Variants in LRP8 observed in about 807,000 individuals in gnomAD.
The protein encoded by LRP8 is LDL receptor related protein 8, also known as low-density lipoprotein receptor-related protein 8.
LRP8 carries 46 observed loss-of-function variants against 111.6 expected under a neutral mutation model. The observed-to-expected ratio is 0.41, with a 90% CI of 0.33 to 0.53. The LOEUF (loss-of-function observed/expected upper bound fraction) is 0.53. Among genes scored for constraint, LRP8 ranks in the 20% least tolerant of loss-of-function variants. The pLI is 0.20. For missense variants in LRP8, 959 were observed against 1,297.4 expected (o/e 0.74, Z 4.01); for synonymous variants, 464 against 511.2 (o/e 0.91, Z 1.24).
At chr1:53,264,425 G>A (rs1339563565) in intron 9 of LRP8, 29 bp from the exon 10 acceptor site, 1 of 1,573,114 alleles carries the variant, frequency 6.4e-7, no homozygotes, top group Admixed American at 1.7e-5. Context: ...TGACCATGGG[G>A]CAGATGTTCC....
At chr1:53,259,422 T>G (rs1483612186) in intron 13 of LRP8, among the ~76,000 whole-genome samples, 1 of 151,986 alleles carries the variant, frequency 6.6e-6, no homozygotes, top group Non-Finnish European at 1.5e-5. Context: ...TCCCTACTAC[T>G]TTTATTGGGT....
intron 16 of LRP8, among the ~76,000 whole-genome samples, chr1:53,254,065 G>A (rs1354768611): frequency 6.6e-5 from 10 of 152,000 alleles, no homozygotes; most frequent in Non-Finnish European, 1.3e-4. Context: ...AAGATTCCCA[G>A]GATAAAAGGA....
intron 2 of LRP8, among the ~76,000 whole-genome samples, chr1:53,313,098 A>G (rs1023506583): frequency 1.3e-4 from 20 of 152,192 alleles, no homozygotes; most frequent in African/African-American, 4.3e-4. Context: ...TACCCAAGGT[A>G]ACAGGGAAGG....
chr1:53,315,139 C>T (rs995342921), intron 2 of LRP8, among the ~76,000 whole-genome samples: 2 of 152,178 alleles, frequency 1.3e-5, no homozygotes, highest in African/African-American at 4.8e-5. Flanking sequence ...TCCTGAAGGT[C>T]CCTAAGGCTC....
intron 1 of LRP8, 98 bp downstream of exon 1, chr1:53,327,691 G>C: frequency 7.6e-7 from 1 of 1,316,032 alleles, no homozygotes; most frequent in Admixed American, 3.5e-5. Context: ...GCCCCCGATA[G>C]CCCCGGGTTC....
Position 53,250,950 on chromosome 1 carries a change from T to G in LRP8, c.2504-88A>C. 9.2e-7 allele frequency: 1 copy of G among 1,092,678 alleles called. No homozygotes were observed. Among genetic ancestry groups the G allele is most frequent in the East Asian group, 2.4e-5 (1 of 42,230 alleles). 67.7% of individuals were successfully genotyped at this position (1,092,678 alleles called of 1,614,324 possible). A position where few individuals can be genotyped will look rare whatever the true frequency, so the allele number is the denominator to read the frequency against. ...TACAAGGCTTGTCACCACTCCACTT[T>G]TACTACCCTTTGCTCCTCAGGCTCT... is the stretch of plus-strand genomic sequence containing the variant. On this transcript the variant is annotated intron_variant, in intron 16 of 18. Transcript: ENST00000306052. The surrounding 1 kb of genome is among the most constrained non-coding windows in gnomAD (Gnocchi z 4.6).
chr1:53,264,003 C>G (rs1187261003), intron 10 of LRP8, among the ~76,000 whole-genome samples, 166 bp downstream of exon 10: 1 of 152,154 alleles, frequency 6.6e-6, no homozygotes, highest in Non-Finnish European at 1.5e-5. Context: ...ACTTTGGTGA[C>G]CAATGCCCAG....
chr1:53,278,739 G>A (rs371725298), intron 4 of LRP8, among the ~76,000 whole-genome samples: 1 of 148,380 alleles, frequency 6.7e-6, no homozygotes. Context: ...CTTTCTGGGA[G>A]TTCTGATGGG....
intron 3 of LRP8, among the ~76,000 whole-genome samples, chr1:53,285,798 C>T (rs112297023): frequency 2.4e-4 from 36 of 152,260 alleles, no homozygotes; most frequent in African/African-American, 7.0e-4. Context: ...CGGAGGGGAC[C>T]ATATGCCTTT....
intron 6 of LRP8, among the ~76,000 whole-genome samples, chr1:53,273,803 T>C (rs1646831968): frequency 6.6e-6 from 1 of 152,008 alleles, no homozygotes; most frequent in Non-Finnish European, 1.5e-5. Context: ...GGAAATATGC[T>C]CTTCCTGGGA....
In LRP8 at chr1:53,249,566, G is replaced by T; in HGVS notation, c.2677-10C>A. On this transcript the variant is annotated splice_polypyrimidine_tract_variant and intron_variant, in intron 17 of 18. Coordinates refer to ENST00000306052, the MANE Select transcript of LRP8 (RefSeq NM_004631.5). The surrounding 1 kb of genome is among the most constrained non-coding windows in gnomAD (Gnocchi z 4.1). ...CAAAGCTGCTGATTGCCTGACAGGGGGATGGCACTGTGGATGACCTCTGAG... is the reference window on the plus strand; with the variant it reads ...CAAAGCTGCTGATTGCCTGACAGGGTGATGGCACTGTGGATGACCTCTGAG... 3.2e-6 allele frequency: 5 copies of T among 1,581,094 alleles called. No individual in the cohort carries two copies. Among genetic ancestry groups the T allele is most frequent in the Admixed American group, 1.8e-5 (1 of 54,628 alleles).
At chr1:53,297,418 G>C (rs1490952307) in intron 2 of LRP8, among the ~76,000 whole-genome samples, 1 of 152,224 alleles carries the variant, frequency 6.6e-6, no homozygotes, top group East Asian at 1.9e-4. Context: ...ACAGTGTCCT[G>C]ACAGTAGGGT....
At chr1:53,308,239 AGGG>A (rs561762093) in intron 2 of LRP8, among the ~76,000 whole-genome samples, 75 of 152,368 alleles carry the variant, frequency 4.9e-4, no homozygotes, top group African/African-American at 1.8e-3. Context: ...AGGACAGCGC[AGGG>A]AACGGGATGT....
chr1:53,323,511 C>T (rs541308743), intron 2 of LRP8, among the ~76,000 whole-genome samples: 11 of 152,268 alleles, frequency 7.2e-5, no homozygotes, highest in Admixed American at 2.0e-4. Flanking sequence ...AGCTGGCCTA[C>T]GTGACCCAGG....
Position 53,266,428 on chromosome 1 carries a change from C to A in LRP8, c.1427+45G>T. On this transcript the variant is annotated intron_variant, in intron 9 of 18. Transcript: ENST00000306052. The surrounding 1 kb of genome is among the most constrained non-coding windows in gnomAD (Gnocchi z 5.0). The stretch of plus-strand genomic sequence containing the variant: ...CCCCTCCTCACCTGTCACCACCCCT[C>A]ACCCCCACTCTTCATGCCTTGCTGC... 1 of 1,596,940 alleles carries A rather than the reference C, an allele frequency of 6.3e-7. No individual in the cohort carries two copies. The highest frequency in any genetic ancestry group is 1.1e-5 in the South Asian group (1 of 89,580).
intron 3 of LRP8, among the ~76,000 whole-genome samples, chr1:53,285,412 A>G (rs1423390180): frequency 6.6e-6 from 1 of 152,130 alleles, no homozygotes; most frequent in Non-Finnish European, 1.5e-5. Flanking sequence ...CAGCAGCATG[A>G]TGTAGGAGAA....
chr1:53,327,890 G>A lies in LRP8; in HGVS notation c.23C>T (p.Pro8Leu). The change falls in exon 1 of 19, where the codon CCT becomes CTT. Residue 8 changes from proline (P) to leucine (L), a missense_variant. By Grantham distance (98) the Pro-to-Leu change is moderately conservative. Coordinates refer to ENST00000306052, the MANE Select transcript of LRP8 (RefSeq NM_004631.5). Reference protein sequence around the residue: MGLPEPGPLRLLALLLLL... With the variant: MGLPEPGLLRLLALLLLL... ...CAGCAGCAGCGCCAGAAGCCGGAGA[G>A]GGCCCGGCTCGGGGAGGCCCATGGC... The A allele has an allele frequency of 1.3e-6, 2 of 1,482,044 alleles. No homozygotes were observed. Among genetic ancestry groups the A allele is most frequent in the East Asian group, 2.9e-5 (1 of 34,956 alleles). 91.8% of individuals were successfully genotyped at this position (1,482,044 alleles called of 1,614,324 possible).
At chr1:53,256,740 AG>A (rs1389697690) in intron 15 of LRP8, among the ~76,000 whole-genome samples, 5 of 152,236 alleles carry the variant, frequency 3.3e-5, no homozygotes, top group African/African-American at 1.2e-4. Flanking sequence ...TTTTCATCCC[AG>A]GGTTGGAAAG....
In LRP8 at chr1:53,257,263, G is replaced by T. The variant is rs545761827; in HGVS notation, c.2411C>A (p.Ala804Glu). 8 of 1,614,154 alleles carry T rather than the reference G, an allele frequency of 5.0e-6. No homozygotes were observed. The South Asian group carries it at 7.7e-5, about 16-fold the overall frequency. ...PSISPSTLSP[A>E]TSNHSQHYAN... ...ACAGTGCTGGGAGTGGTTGCTGGTT[G>T]CAGGGCTTAGGGTAGACGGGCTGAT... Residue 804 changes from alanine (A) to glutamate (E), a missense_variant, in exon 15 of 19, where the codon GCA (alanine) becomes GAA (glutamate). By Grantham distance (107) the Ala-to-Glu change is moderately radical (BLOSUM62 -1). Transcript: ENST00000306052.
Sources: allele counts gnomAD v4.1 joint callset (sites outside exome capture counted in the v4.1 genomes callset), GRCh38; gene constraint gnomAD v4.1.1; non-coding constraint Gnocchi (gnomAD v3.1); transcripts MANE v1.5; gene names NCBI Gene and HGNC (gene_info 2026-07-23, HGNC 2026-07-21).